CADPS: variants seen among roughly 807,000 people sequenced by gnomAD.
CADPS encodes the protein calcium dependent secretion activator.
A neutral mutation model predicts 167.3 loss-of-function variants in CADPS; 57 were observed. The ratio of observed to expected loss-of-function variants is 0.34; its 90% CI spans 0.28 to 0.42. The LOEUF is 0.42. Among genes scored for constraint, CADPS ranks in the 20% least tolerant of loss-of-function variants. CADPS has a pLI of 1.00. For missense variants in CADPS, 1,414 were observed against 1,738.1 expected (o/e 0.81, Z 3.32); for synonymous variants, 676 against 635.3 (o/e 1.06, Z -0.96).
intron 21 of CADPS, among the ~76,000 whole-genome samples, chr3:62,483,094 C>T (rs1156764065): frequency 6.6e-6 from 1 of 151,930 alleles, no homozygotes; most frequent in South Asian, 2.1e-4. Context: ...GTCACTGGCA[C>T]GGTAGAGCCC....
intron 4 of CADPS, among the ~76,000 whole-genome samples, chr3:62,656,098 T>C (rs530885871): frequency 6.6e-6 from 1 of 152,244 alleles, no homozygotes; most frequent in South Asian, 2.1e-4. Flanking sequence ...ATGAGGATAA[T>C]AAACCTCACA....
intron 4 of CADPS, among the ~76,000 whole-genome samples, chr3:62,652,010 G>A (rs1002568860): frequency 6.6e-6 from 1 of 152,104 alleles, no homozygotes; most frequent in South Asian, 2.1e-4. Context: ...CAGGGCTCAG[G>A]TGATATCACC....
chr3:62,447,886 T>C (rs2057459098), intron 26 of CADPS, among the ~76,000 whole-genome samples: 1 of 152,194 alleles, frequency 6.6e-6, no homozygotes, highest in African/African-American at 2.4e-5. Flanking sequence ...TTGCCTTTTT[T>C]TTTCATGTCT....
chr3:62,599,842 A>AATATATAATAATATAT (rs1562718104), intron 6 of CADPS, among the ~76,000 whole-genome samples: 1 of 33,366 alleles, frequency 3.0e-5, no homozygotes, highest in African/African-American at 1.4e-4. Context: ...ATAATATATT[A>AATATATAATAATATAT]TATATATATA....
intron 1 of CADPS, among the ~76,000 whole-genome samples, chr3:62,856,715 G>C (rs1406836046): frequency 1.3e-5 from 2 of 151,866 alleles, no homozygotes; most frequent in African/African-American, 4.8e-5. Flanking sequence ...TAAAAATTTA[G>C]TGCATTTGAC....
At chr3:62,628,840 T>A (rs893543113) in intron 6 of CADPS, among the ~76,000 whole-genome samples, 3 of 152,060 alleles carry the variant, frequency 2.0e-5, no homozygotes, top group Admixed American at 2.0e-4. Context: ...TTGGTCAGTA[T>A]TGTCTTGATC....
intron 1 of CADPS, among the ~76,000 whole-genome samples, chr3:62,836,477 A>C (rs2075905536): frequency 6.6e-6 from 1 of 152,164 alleles, no homozygotes; most frequent in African/African-American, 2.4e-5. Flanking sequence ...TTGGCCAGCC[A>C]GGATGCAAGT....
chr3:62,626,171 G>T (rs187269232), intron 6 of CADPS: 4 of 180,282 alleles, frequency 2.2e-5, no homozygotes, highest in African/African-American at 7.2e-5. Flanking sequence ...AGCTTTCATT[G>T]GTATCCCCAT....
intron 13 of CADPS, among the ~76,000 whole-genome samples, chr3:62,528,120 TC>T (rs2072755859): frequency 3.9e-5 from 6 of 152,188 alleles, no homozygotes; most frequent in African/African-American, 1.4e-4. Context: ...TGCTGTAGCA[TC>T]TCACCTGGAA....
Position 62,438,952 on chromosome 3 carries a change from G to A in CADPS, c.3670-741C>T, listed in dbSNP as rs2055734287. Reference sequence around the variant, plus strand: ...TAAATAAATCAGATTTTCTGGAAAGGTAAGCTGGTGGTTCATCCTGCAGTT... The same window carrying A: ...TAAATAAATCAGATTTTCTGGAAAGATAAGCTGGTGGTTCATCCTGCAGTT... On this transcript the variant is annotated intron_variant, in intron 27 of 29. Transcript: ENST00000383710. The surrounding 1 kb of genome is among the most constrained non-coding windows in gnomAD (Gnocchi z 4.7). 1 of 151,986 alleles carries A rather than the reference G, an allele frequency of 6.6e-6. No individual in the cohort carries two copies. The highest frequency in any genetic ancestry group is 1.5e-5 in the Non-Finnish European group (1 of 68,000). 9.4% of individuals were successfully genotyped at this position (151,986 alleles called of 1,614,324 possible). A position where few individuals can be genotyped will look rare whatever the true frequency, so the allele number is the denominator to read the frequency against.
Position 62,676,771 on chromosome 3 carries a change from C to T in CADPS, c.889-14377G>A, listed in dbSNP as rs1016143013. Among the ~76,000 whole-genome samples, 14 of 152,052 alleles carry T rather than the reference C, an allele frequency of 9.2e-5. No homozygotes were observed. The East Asian group carries it at 1.4e-3, about 15-fold the overall frequency. On this transcript the variant is annotated intron_variant, in intron 3 of 29. Transcript: ENST00000383710. ...CACAAGGCCCCTGCTGGTTTCTGAC[C>T]GTGCTTAATAGATTCTGTCTCTACA...
intron 3 of CADPS, among the ~76,000 whole-genome samples, chr3:62,677,375 T>C (rs1314036310): frequency 6.6e-6 from 1 of 152,148 alleles, no homozygotes; most frequent in Non-Finnish European, 1.5e-5. Flanking sequence ...GATTGGGATT[T>C]TTCTGACAAA....
intron 1 of CADPS, among the ~76,000 whole-genome samples, chr3:62,870,301 C>A (rs974183296): frequency 6.6e-6 from 1 of 152,008 alleles, no homozygotes; most frequent in African/African-American, 2.4e-5. Context: ...ACAAAGCAAA[C>A]CTTAAGAATT....
In CADPS at chr3:62,873,170, T is replaced by C. The variant is rs144865406; in HGVS notation, c.441+1419A>G. Among the ~76,000 whole-genome samples the C allele has an allele frequency of 4.1e-4, 62 of 152,350 alleles. No individual in the cohort carries two copies. The East Asian group carries it at 0.01, about 26-fold the overall frequency. The stretch of plus-strand genomic sequence containing the variant: ...AATCAGTTTTATCTTTTAATGAAAC[T>C]GATATCCAAGCTCGTGATGGCTGAA... On this transcript the variant is annotated intron_variant, in intron 1 of 29. Transcript: ENST00000383710.
chr3:62,679,986 C>G (rs1186713998), intron 3 of CADPS, among the ~76,000 whole-genome samples: 1 of 151,828 alleles, frequency 6.6e-6, no homozygotes, highest in African/African-American at 2.4e-5. Context: ...CATAAACTTT[C>G]CTTCTAAAAA....
At chr3:62,462,077 T>C (rs1423836998) in intron 26 of CADPS, among the ~76,000 whole-genome samples, 1 of 152,218 alleles carries the variant, frequency 6.6e-6, no homozygotes, top group Non-Finnish European at 1.5e-5. Flanking sequence ...CTTGGCCTCC[T>C]AAAAGAACAG....
chr3:62,798,949 T>G (rs889473237), intron 1 of CADPS, among the ~76,000 whole-genome samples: 1 of 151,986 alleles, frequency 6.6e-6, no homozygotes. Context: ...CTGCCATGAG[T>G]CTCTCTAGAC....
intron 3 of CADPS, among the ~76,000 whole-genome samples, chr3:62,711,076 T>C (rs184509276): frequency 6.6e-6 from 1 of 152,302 alleles, no homozygotes; most frequent in Admixed American, 6.5e-5. Flanking sequence ...GGCCAAGAAT[T>C]CCTCAGTACA....
intron 8 of CADPS, among the ~76,000 whole-genome samples, chr3:62,584,325 G>A (rs2084099796): frequency 6.6e-6 from 1 of 152,006 alleles, no homozygotes; most frequent in African/African-American, 2.4e-5. Context: ...CATTTTTAAT[G>A]GCACTTTTAG....
Sources: gnomAD v4.1 joint callset for allele counts (sites outside exome capture counted in the v4.1 genomes callset) on GRCh38, gnomAD v4.1.1 for gene constraint, Gnocchi (gnomAD v3.1) non-coding constraint, MANE v1.5 for transcripts, NCBI Gene and HGNC (gene_info 2026-07-23, HGNC 2026-07-21) for gene names.